The following GON4L variants were observed in gnomAD, a reference collection of about 807,000 sequenced individuals.
GON4L encodes the protein GON-4-like protein.
A neutral mutation model predicts 211.8 loss-of-function variants in GON4L; 87 were observed. The observed-to-expected ratio is 0.41, with a 90% confidence interval of 0.35 to 0.49. The LOEUF (loss-of-function observed/expected upper bound fraction) is 0.49, where lower values mean the gene tolerates loss of function less well. Ranked by LOEUF, GON4L falls within the 20% of genes least tolerant of loss-of-function variation. The probability of loss-of-function intolerance (pLI) is 0.15; values close to 1 mark genes in which losing one functional copy is unlikely to be tolerated. For synonymous variants in GON4L, 875 were observed against 962.6 expected, an observed-to-expected ratio of 0.91 and a Z score of 1.68; for missense variants, 2,155 against 2,659.5, an observed-to-expected ratio of 0.81 and a Z score of 4.17.
At position 155,805,159 on chromosome 1, in the gene GON4L, A is replaced by G. The variant is rs763266115; in HGVS notation, c.1453-18T>C. 22 of 1,579,320 alleles carry G rather than the reference A, an allele frequency of 1.4e-5. No homozygotes were observed. The highest frequency in any genetic ancestry group is 2.6e-6 in the Non-Finnish European group (3 of 1,148,472). On this transcript the variant is annotated intron_variant, in intron 10 of 31. Transcript: ENST00000368331. ...TCCATGGGCTGGACAATGGAGAAAG[A>G]AAAGTCACTGAGTGAGTGATGTTTC...
At chr1:155,784,326 G>A (rs822020) in intron 13 of GON4L, 394,060 of 429,148 alleles carry the variant, frequency 0.92, 182,707 homozygotes, top group East Asian at 1. Flanking sequence ...AGGACAGAGC[G>A]TGGATAACTC....
At chr1:155,782,918 C>G (rs1322706980) in intron 14 of GON4L, among the ~76,000 whole-genome samples, 1 of 152,132 alleles carries the variant, frequency 6.6e-6, no homozygotes, top group African/African-American at 2.4e-5. Context: ...CTCCGCCTCC[C>G]AAAGTGCAGG....
chr1:155,818,768 C>G (rs1366379263), intron 6 of GON4L, among the ~76,000 whole-genome samples: 8 of 152,082 alleles, frequency 5.3e-5, no homozygotes, highest in Admixed American at 5.2e-4. Context: ...ATTGGGAGGA[C>G]AAGGCGGGCG....
At chr1:155,832,279 C>CAAAAAA (rs71080731) in intron 2 of GON4L, among the ~76,000 whole-genome samples, 9 of 57,360 alleles carry the variant, frequency 1.6e-4, no homozygotes, top group African/African-American at 2.8e-4. Context: ...GACTCCGTCT[C>CAAAAAA]AAAAAAAAAA....
chr1:155,789,176 G>C (rs193237436), intron 12 of GON4L, among the ~76,000 whole-genome samples: 187 of 152,144 alleles, frequency 1.2e-3, no homozygotes, highest in African/African-American at 4.4e-3. Context: ...AACTTCCTGG[G>C]GTGAGGATTC....
Position 155,786,618 on chromosome 1 carries a change from G to A in GON4L, c.1748-1244C>T, listed in dbSNP as rs540107790. ...ATCTGAACTATTCAAGAACTCCATC[G>A]GTGACTTAGAAGACCCAGAGAACAT... On this transcript the variant is annotated intron_variant, in intron 12 of 31. Coordinates refer to ENST00000368331, the MANE Select transcript of GON4L (RefSeq NM_001282860.2). Among the ~76,000 whole-genome samples, 23 of 152,248 alleles carry A rather than the reference G, an allele frequency of 1.5e-4. No homozygotes were observed. In the East Asian group the frequency reaches 2.5e-3, roughly 17 times the overall value.
chr1:155,765,240 T>C lies in GON4L; in HGVS notation c.4233A>G (p.Ser1411=), dbSNP rs1407704909. ...TSGTDVNKGS[S]KNALSSMDPE... ...GATCCATTGAGGACAAAGCATTCTTTGATGATCCTTTGTTCACATCTGTCC... is the reference window on the plus strand; with the variant it reads ...GATCCATTGAGGACAAAGCATTCTTCGATGATCCTTTGTTCACATCTGTCC... Residue 1411 remains serine, a synonymous_variant, in exon 21 of 32, where the codon TCA becomes TCG. Transcript: ENST00000368331. The C allele has an allele frequency of 2.5e-6, 4 of 1,614,060 alleles. No homozygotes were observed. The highest frequency in any genetic ancestry group is 2.5e-6 in the Non-Finnish European group (3 of 1,180,004).
Position 155,853,530 on chromosome 1 carries a change from G to A in GON4L, c.251C>T (p.Thr84Ile). ...EDTSLSSGML[T>I]QNTNVPILEG... ...TAGAATTGGTACATTTGTGTTCTGG[G>A]TGAGCATTCCAGAGCTCAGAGATGT... The change falls in exon 2 of 32, where the codon ACC (threonine) becomes ATC (isoleucine). Residue 84 changes from threonine (T) to isoleucine (I), a missense_variant. This residue lies in a region of GON4L where 313 missense variants were observed against 293.2 expected (regional missense o/e 1.07). Transcript: ENST00000368331. 2 of 1,614,188 alleles carry A rather than the reference G, an allele frequency of 1.2e-6. No individual in the cohort carries two copies. Among genetic ancestry groups the A allele is most frequent in the Non-Finnish European group, 1.7e-6 (2 of 1,180,012 alleles).
intron 2 of GON4L, among the ~76,000 whole-genome samples, chr1:155,852,731 A>G (rs1417117846): frequency 6.6e-6 from 1 of 152,170 alleles, no homozygotes; most frequent in Non-Finnish European, 1.5e-5. Flanking sequence ...TGACAGAGCG[A>G]GACTCCGTCT....
intron 11 of GON4L, among the ~76,000 whole-genome samples, chr1:155,795,497 G>A (rs865917684): frequency 6.6e-6 from 1 of 152,164 alleles, no homozygotes; most frequent in South Asian, 2.1e-4. Context: ...AACAATTAGA[G>A]AATGACTATA....
chr1:155,837,423 G>A (rs1340891039), intron 2 of GON4L, among the ~76,000 whole-genome samples: 1 of 152,166 alleles, frequency 6.6e-6, no homozygotes, highest in East Asian at 1.9e-4. Context: ...TGCTACGGGA[G>A]CCTGTTTTTC....
chr1:155,825,572 AAAAC>A (rs1669125335), intron 3 of GON4L, among the ~76,000 whole-genome samples: 2 of 45,666 alleles, frequency 4.4e-5, no homozygotes. Flanking sequence ...ACTCTGTCTC[AAAAC>A]AAAAAAAAAA....
chr1:155,822,464 T>C lies in GON4L; in HGVS notation c.710A>G (p.Asn237Ser), dbSNP rs1002696853. 2 of 1,613,060 alleles carry C rather than the reference T, an allele frequency of 1.2e-6. No homozygotes were observed. Among genetic ancestry groups the C allele is most frequent in the Admixed American group, 1.7e-5 (1 of 60,002 alleles). The part of the protein sequence containing the change: ...GLFIPMEEQD[N>S]EESEKRRKKK... ...TTTTCTCCTTTTCTCACTTTCTTCA[T>C]TGTCTTGTTCTTCTGCAAATAAACC... The change falls in exon 4 of 32, where the codon AAT (asparagine) becomes AGT (serine). Residue 237 changes from asparagine to serine, a missense_variant. Physicochemically the swap from Asn to Ser is conservative, Grantham distance 46. Around this residue, in one of 6 missense-constraint regions of GON4L, gnomAD observed 313 missense variants for 293.2 expected, o/e 1.07. Coordinates refer to ENST00000368331, the MANE Select transcript of GON4L (RefSeq NM_001282860.2).
At chr1:155,781,330 G>C (rs1182353998) in intron 14 of GON4L, among the ~76,000 whole-genome samples, 2 of 151,814 alleles carry the variant, frequency 1.3e-5, no homozygotes, top group African/African-American at 4.8e-5. Context: ...ATTTTTAGTA[G>C]AGACAAGGTT....
At chr1:155,792,958 G>T (rs1232646903) in intron 12 of GON4L, among the ~76,000 whole-genome samples, 1 of 152,022 alleles carries the variant, frequency 6.6e-6, no homozygotes, top group African/African-American at 2.4e-5. Flanking sequence ...TAGAGACAAT[G>T]TCTCACTATC....
chr1:155,809,976 TTA>T lies in GON4L; in HGVS notation c.1452+3656_1452+3657del, dbSNP rs1206243290. ...AATTATATACATATATAATTATAAA[TTA>T]TATATATATATAATTATATATATAT... On this transcript the variant is annotated intron_variant, in intron 10 of 31. Coordinates refer to ENST00000368331, the MANE Select transcript of GON4L (RefSeq NM_001282860.2). Among the ~76,000 whole-genome samples the T allele has an allele frequency of 3.8e-5, 3 of 77,924 alleles. 1 individual carries two copies. The highest frequency in any genetic ancestry group is 1.4e-4 in the African/African-American group (3 of 21,500). The allele number at this position is 77,924 out of a possible 152,430, so 51.1% of individuals were successfully genotyped here.
chr1:155,776,439 T>G lies in GON4L; in HGVS notation c.2134A>C (p.Asn712His). 6 of 1,613,702 alleles carry G rather than the reference T, an allele frequency of 3.7e-6. No individual in the cohort carries two copies. Among genetic ancestry groups the G allele is most frequent in the Non-Finnish European group, 5.1e-6 (6 of 1,179,588 alleles). Residue 712 changes from asparagine to histidine, a missense_variant, in exon 16 of 32, where the codon AAC becomes CAC. Around this residue, in one of 6 missense-constraint regions of GON4L, gnomAD observed 551 missense variants for 854.0 expected, o/e 0.65. Coordinates refer to ENST00000368331, the MANE Select transcript of GON4L (RefSeq NM_001282860.2). Reference sequence around the variant, plus strand: ...GTGGCCTCCGGATTGAGGTTGGGGTTGCAGGTGGCAAGAAGGTGGATTTGG... The same window carrying G: ...GTGGCCTCCGGATTGAGGTTGGGGTGGCAGGTGGCAAGAAGGTGGATTTGG... ...LTQIHLLATC[N>H]PNLNPEATTT... is the part of the protein sequence containing the mutation.
At chr1:155,769,441 G>A (rs1488189875) in intron 19 of GON4L, among the ~76,000 whole-genome samples, 1 of 152,132 alleles carries the variant, frequency 6.6e-6, no homozygotes, top group Non-Finnish European at 1.5e-5. Flanking sequence ...GGAGGAAAAA[G>A]CCCAAAACAT....
intron 3 of GON4L, among the ~76,000 whole-genome samples, chr1:155,825,072 G>A (rs1311162531): frequency 6.6e-6 from 1 of 151,960 alleles, no homozygotes; most frequent in Non-Finnish European, 1.5e-5. Flanking sequence ...GCTGAAGTGG[G>A]AAGATCACTT....
Sources: allele counts gnomAD v4.1 joint callset (sites outside exome capture counted in the v4.1 genomes callset), GRCh38; gene constraint gnomAD v4.1.1; regional missense constraint gnomAD v4.1.1; transcripts MANE v1.5; gene names NCBI Gene and HGNC (gene_info 2026-07-23, HGNC 2026-07-21).